Variants in PDE4D observed in about 807,000 individuals in gnomAD.
The protein encoded by PDE4D is 3',5'-cyclic-AMP phosphodiesterase 4D.
In PDE4D, 24 loss-of-function variants were observed where a neutral mutation model predicts 87.4. That is an observed-to-expected ratio of 0.27 (90% CI 0.20 to 0.39). The LOEUF is 0.39. PDE4D is among the 10% of genes least tolerant of loss of function. PDE4D has a pLI of 1.00. For missense variants in PDE4D, 714 were observed against 1,041.0 expected (o/e 0.69, Z 4.32); for synonymous variants, 384 against 383.2 (o/e 1.00, Z -0.02).
At chr5:59,566,534 ATGTGTGTGTG>A (rs34584672) in intron 1 of PDE4D, among the ~76,000 whole-genome samples, 2,021 of 140,768 alleles carry the variant, frequency 0.014, 39 homozygotes, top group African/African-American at 0.039. Flanking sequence ...TCACAGTTTC[ATGTGTGTGTG>A]TGTGTGTGTG....
chr5:59,982,927 T>C (rs1339270549), intron 3 of PDE4D, among the ~76,000 whole-genome samples: 1 of 152,220 alleles, frequency 6.6e-6, no homozygotes, highest in Non-Finnish European at 1.5e-5. Context: ...TTTGATGTTA[T>C]ATATTAAGTA....
intron 5 of PDE4D, among the ~76,000 whole-genome samples, chr5:59,054,875 C>T (rs1482011841): frequency 6.6e-6 from 1 of 152,088 alleles, no homozygotes; most frequent in Non-Finnish European, 1.5e-5. Context: ...AGTTTTGTTT[C>T]CCTCTTCCCT....
At chr5:60,450,163 A>C (rs929592893) in intron 1 of PDE4D, among the ~76,000 whole-genome samples, 39 of 152,078 alleles carry the variant, frequency 2.6e-4, no homozygotes, top group Non-Finnish European at 1.8e-4. Context: ...CAAATAAAAT[A>C]AAGCAGCTGA....
At chr5:59,408,599 T>C (rs1199816709) in intron 1 of PDE4D, among the ~76,000 whole-genome samples, 1 of 152,128 alleles carries the variant, frequency 6.6e-6, no homozygotes, top group Non-Finnish European at 1.5e-5. Context: ...GCAGCTTGCA[T>C]CCTATACCTG....
intron 2 of PDE4D, among the ~76,000 whole-genome samples, chr5:60,026,099 A>T (rs765156746): frequency 6.6e-6 from 1 of 152,238 alleles, no homozygotes; most frequent in African/African-American, 2.4e-5. Context: ...GAATAGAGAT[A>T]TATCAGAATG....
At chr5:60,489,141 G>A (rs921337547), upstream of PDE4D, among the ~76,000 whole-genome samples, 11 of 152,124 alleles carry the variant, frequency 7.2e-5, no homozygotes, top group Admixed American at 5.9e-4. Flanking sequence ...CACATAACCA[G>A]AACACCACAC....
At chr5:59,076,959 C>A (rs1355679995) in intron 5 of PDE4D, among the ~76,000 whole-genome samples, 2 of 152,146 alleles carry the variant, frequency 1.3e-5, no homozygotes, top group Non-Finnish European at 2.9e-5. Flanking sequence ...ATATTGATAT[C>A]TAAAAATATA....
intron 1 of PDE4D, among the ~76,000 whole-genome samples, chr5:59,843,260 T>C (rs1743307032): frequency 6.6e-6 from 1 of 152,014 alleles, no homozygotes; most frequent in Admixed American, 6.6e-5. Context: ...ATTTTAGCCA[T>C]CTTGCCATGA....
chr5:60,417,070 G>T (rs1005852819), intron 1 of PDE4D, among the ~76,000 whole-genome samples: 1 of 152,162 alleles, frequency 6.6e-6, no homozygotes, highest in Non-Finnish European at 1.5e-5. Context: ...TGCCAGAACA[G>T]CCAGAACATG....
intron 1 of PDE4D, among the ~76,000 whole-genome samples, chr5:59,698,004 T>C (rs1025153111): frequency 6.6e-6 from 1 of 152,182 alleles, no homozygotes; most frequent in Non-Finnish European, 1.5e-5. Flanking sequence ...CATGCTCCTC[T>C]CTCAAGCAGT....
chr5:59,943,718 T>C (rs1388107826), intron 3 of PDE4D, among the ~76,000 whole-genome samples: 1 of 152,194 alleles, frequency 6.6e-6, no homozygotes, highest in African/African-American at 2.4e-5. Flanking sequence ...AAAGCTGAAC[T>C]CTCTCCTGAA....
At chr5:59,730,943 A>G (rs1414019753) in intron 1 of PDE4D, among the ~76,000 whole-genome samples, 2 of 152,148 alleles carry the variant, frequency 1.3e-5, no homozygotes, top group Admixed American at 6.6e-5. Flanking sequence ...CCCTTATGTT[A>G]TATTGCTTTT....
intron 1 of PDE4D, among the ~76,000 whole-genome samples, chr5:60,237,676 T>C (rs934717678): frequency 4.6e-5 from 7 of 152,024 alleles, no homozygotes; most frequent in African/African-American, 9.7e-5. Context: ...ATTGTAGTGA[T>C]TGGGGCTGTT....
chr5:59,778,700 A>G (rs1456307508), intron 1 of PDE4D, among the ~76,000 whole-genome samples: 1 of 152,216 alleles, frequency 6.6e-6, no homozygotes, highest in Admixed American at 6.5e-5. Flanking sequence ...AATGCTGGGA[A>G]TATAGTAAGT....
intron 6 of PDE4D, among the ~76,000 whole-genome samples, chr5:59,032,134 T>A (rs1392937604): frequency 6.6e-6 from 1 of 152,218 alleles, no homozygotes; most frequent in Admixed American, 6.5e-5. Flanking sequence ...AATATAGATA[T>A]GTTAATTAGC....
At chr5:60,157,503 G>A (rs1319292912) in intron 2 of PDE4D, among the ~76,000 whole-genome samples, 4 of 152,082 alleles carry the variant, frequency 2.6e-5, no homozygotes, top group Non-Finnish European at 5.9e-5. Context: ...TAGAGAATGA[G>A]GAGGGTGCTA....
intron 1 of PDE4D, among the ~76,000 whole-genome samples, chr5:60,420,354 G>C (rs1015172977): frequency 1.3e-5 from 2 of 152,186 alleles, no homozygotes; most frequent in African/African-American, 4.8e-5. Flanking sequence ...AATACTGCCA[G>C]GTTGAATAGG....
At chr5:59,122,879 T>C (rs1462671260) in intron 5 of PDE4D, among the ~76,000 whole-genome samples, 1 of 152,182 alleles carries the variant, frequency 6.6e-6, no homozygotes, top group African/African-American at 2.4e-5. Flanking sequence ...TGGGAAGCCT[T>C]CATTTCGAAA....
In PDE4D at chr5:59,482,742, T is replaced by C. The variant is rs931856; in HGVS notation, c.456-266774A>G. ...ATTAGCAATAATGGACTCTAAATCT[T>C]CAAATCACAAATTTCCTTCTTATGC... is the stretch of plus-strand genomic sequence containing the variant. On this transcript the variant is annotated intron_variant, in intron 1 of 14. Transcript: ENST00000340635. 7.6e-3 allele frequency among the ~76,000 whole-genome samples: 1,150 copies of C among 152,252 alleles called. 16 individuals are homozygous for C. The highest frequency in any genetic ancestry group is 0.025 in the African/African-American group (1,046 of 41,546).
Sources: allele counts gnomAD v4.1 joint callset (sites outside exome capture counted in the v4.1 genomes callset), GRCh38; gene constraint gnomAD v4.1.1; transcripts MANE v1.5; gene names NCBI Gene and HGNC (gene_info 2026-07-23, HGNC 2026-07-21).